Variants in CROCC observed in about 807,000 individuals in gnomAD.
CROCC encodes rootletin.
A neutral mutation model predicts 245.2 loss-of-function variants in CROCC; 180 were observed. The ratio of observed to expected loss-of-function variants is 0.73; its 90% CI spans 0.65 to 0.83. The LOEUF is 0.83. Ranked by LOEUF, CROCC falls within the 40% of genes least tolerant of loss-of-function variation. CROCC has a pLI of 0.00. For missense variants in CROCC, 2,688 were observed against 2,779.4 expected (o/e 0.97, Z 0.74); for synonymous variants, 1,205 against 1,241.6 (o/e 0.97, Z 0.62).
Position 16,970,709 on chromosome 1 carries a change from C to T in CROCC, c.5726C>T (p.Thr1909Ile), listed in dbSNP as rs145410748. ...LSAEKGRLDRTLTGAELELAE... is the reference protein window; with the variant it reads ...LSAEKGRLDRILTGAELELAE... ...GCAGAGAAGGGCCGCCTGGACCGCACCCTCACGGGGGCTGAGCTGGAGCTG... is the reference window on the plus strand; with the variant it reads ...GCAGAGAAGGGCCGCCTGGACCGCATCCTCACGGGGGCTGAGCTGGAGCTG... The change falls in exon 35 of 37, where the codon ACC becomes ATC. Residue 1909 changes from threonine to isoleucine, a missense_variant. Around this residue, in one of 9 missense-constraint regions of CROCC, gnomAD observed 1,218 missense variants for 1,286.3 expected, o/e 0.95. Transcript: ENST00000375541. The T allele has an allele frequency of 3.7e-6, 6 of 1,605,144 alleles. No individual in the cohort carries two copies. The highest frequency in any genetic ancestry group is 5.1e-6 in the Non-Finnish European group (6 of 1,176,402).
chr1:16,921,763 C>A (rs2075409969), upstream of CROCC, among the ~76,000 whole-genome samples: 1 of 152,228 alleles, frequency 6.6e-6, no homozygotes, highest in Admixed American at 6.5e-5. Flanking sequence ...TCTCTCCCTT[C>A]TCCTCCCCTC....
At chr1:16,971,750 C>T (rs1255901667) in intron 36 of CROCC, 103 bp downstream of exon 36, 5 of 1,191,998 alleles carry the variant, frequency 4.2e-6, no homozygotes, top group Non-Finnish European at 1.1e-6. Flanking sequence ...GTCGATGGCT[C>T]CCGTAACCGA....
chr1:16,922,643 C>A lies in CROCC; in HGVS notation c.61-20C>A, dbSNP rs56191217. 0.055 allele frequency: 84,652 copies of A among 1,542,850 alleles called. No individual in the cohort carries two copies. The highest frequency in any genetic ancestry group is 0.072 in the Admixed American group (3,935 of 54,412). On this transcript the variant is annotated intron_variant, in intron 1 of 36. Transcript: ENST00000375541. ...CCCCGGGTCCCATGTCCCCTGAAGA[C>A]CCTCTCGCTTTTCCCACAGACACTG...
chr1:16,958,742 C>A lies in CROCC; in HGVS notation c.4024C>A (p.Arg1342=), dbSNP rs150883754. ...LKGEASLEVM[R]QELQVAQRKL... ...GGGCGAGGCCAGCCTGGAGGTGATG[C>A]GGCAGGAGGTAACTGAGCAGGCGGG... The change falls in exon 26 of 37, where the codon CGG becomes AGG. Residue 1342 remains arginine, a synonymous_variant. Transcript: ENST00000375541. The A allele has an allele frequency of 1.9e-6, 3 of 1,558,784 alleles. No homozygotes were observed. The highest frequency in any genetic ancestry group is 2.7e-5 in the African/African-American group (2 of 73,734).
Position 16,933,723 on chromosome 1 carries a change from G to T in CROCC, c.956+2326G>T, listed in dbSNP as rs551692867. ...TGGGATTACAGGAGTGCGCCACCACGCCCAGCTAACTTTTGTATTTTTAGT... is the reference window on the plus strand; with the variant it reads ...TGGGATTACAGGAGTGCGCCACCACTCCCAGCTAACTTTTGTATTTTTAGT... On this transcript the variant is annotated intron_variant, in intron 8 of 36. Transcript: ENST00000375541. 3.9e-5 allele frequency among the ~76,000 whole-genome samples: 6 copies of T among 152,320 alleles called. No individual in the cohort carries two copies. In the South Asian group the frequency reaches 1.2e-3, roughly 32 times the overall value.
Position 16,946,254 on chromosome 1 carries a change from T to C in CROCC, c.2137-5T>C. ...TTCCTCATTTCTCGGGGCCTGACCC[T>C]GCAGGCTGAGGCTGGCCGCGTGGAG... is the stretch of plus-strand genomic sequence containing the variant. On this transcript the variant is annotated splice_region_variant and splice_polypyrimidine_tract_variant and intron_variant, in intron 15 of 36. Transcript: ENST00000375541. 2 of 1,611,878 alleles carry C rather than the reference T, an allele frequency of 1.2e-6. No homozygotes were observed. The highest frequency in any genetic ancestry group is 1.1e-5 in the South Asian group (1 of 90,868).
Position 16,953,432 on chromosome 1 carries a change from A to T in CROCC, c.3137A>T (p.Gln1046Leu). The change falls in exon 21 of 37, where the codon CAG becomes CTG. Residue 1046 changes from glutamine to leucine, a missense_variant. Around this residue, in one of 9 missense-constraint regions of CROCC, gnomAD observed 106 missense variants for 126.1 expected, o/e 0.84. Transcript: ENST00000375541. Reference protein sequence around the residue: ...EELSEEIAALQQERDEGLLLA... With the variant: ...EELSEEIAALLQERDEGLLLA... ...CTGAGTGAGGAGATTGCTGCCCTGC[A>T]GCAGGAGCGCGACGAGGGCCTCCTC... The T allele has an allele frequency of 1.2e-6, 2 of 1,610,614 alleles. No homozygotes were observed.
rs1343547027 is a variant in CROCC, at chr1:16,944,203, C to T, written c.1912C>T (p.Arg638Cys). ...GCAGGCTGCCCAGGAGGAGCTGCGG[C>T]GCCAGCGGGACCGGCTGGAGGAAGA... ...KLQAAQEELR[R>C]QRDRLEEEQE... The change falls in exon 14 of 37, where the codon CGC (arginine) becomes TGC (cysteine). Residue 638 changes from arginine (R) to cysteine (C), a missense_variant. Physicochemically the swap from Arg to Cys is radical, Grantham distance 180 (BLOSUM62 -3). Transcript: ENST00000375541. 13 of 1,555,414 alleles carry T rather than the reference C, an allele frequency of 8.4e-6. No individual in the cohort carries two copies. The Admixed American group carries it at 9.7e-5, about 12-fold the overall frequency.
intron 8 of CROCC, among the ~76,000 whole-genome samples, chr1:16,932,451 A>C (rs912630192): frequency 6.6e-6 from 1 of 152,254 alleles, no homozygotes; most frequent in Non-Finnish European, 1.5e-5. Context: ...AAAAAAGTAA[A>C]ATAAAATTCT....
chr1:16,939,523 T>A (rs1269022212), intron 12 of CROCC, among the ~76,000 whole-genome samples: 3 of 151,628 alleles, frequency 2.0e-5, no homozygotes, highest in Non-Finnish European at 4.4e-5. Flanking sequence ...GCTTGGGAAC[T>A]AGGGGCAGAG....
chr1:16,955,623 C>A, intron 24 of CROCC, 73 bp downstream of exon 24: 1 of 1,284,174 alleles, frequency 7.8e-7, no homozygotes, highest in South Asian at 1.5e-5. Flanking sequence ...TCACCCCCAA[C>A]GTTCTGGGGA....
chr1:16,923,781 A>G (rs2075465514), intron 2 of CROCC, among the ~76,000 whole-genome samples: 3 of 150,212 alleles, frequency 2.0e-5, no homozygotes, highest in Middle Eastern at 7.0e-3. Flanking sequence ...CCCCGGTTCA[A>G]GTGATTCTGC....
intron 20 of CROCC, among the ~76,000 whole-genome samples, chr1:16,952,183 A>C (rs1214730280): frequency 4.1e-5 from 6 of 145,064 alleles, no homozygotes; most frequent in East Asian, 2.3e-4. Context: ...TACGGTGAAG[A>C]TCTTAAAGAA....
intron 3 of CROCC, among the ~76,000 whole-genome samples, chr1:16,928,574 C>A (rs796661522): frequency 6.6e-6 from 1 of 152,006 alleles, no homozygotes; most frequent in East Asian, 1.9e-4. Flanking sequence ...GAGGCCGAGG[C>A]GGGTGGATTA....
In CROCC at chr1:16,922,715, TG is replaced by T; in HGVS notation, c.115del (p.Ala39ProfsTer168). The T allele has an allele frequency of 1.9e-6, 3 of 1,613,854 alleles. No homozygotes were observed. Among genetic ancestry groups the T allele is most frequent in the Non-Finnish European group, 1.7e-6 (2 of 1,179,964 alleles). On this transcript the variant is annotated frameshift_variant, in exon 2 of 37. Coordinates refer to ENST00000375541, the MANE Select transcript of CROCC (RefSeq NM_014675.5). LOFTEE classifies it high-confidence loss of function. ...CQEKGLGARD[L>X]AQDAQITSLP... ...GAGAAAGGCTTGGGCGCGCGGGACC[TG>T]GCCCAGGACGCTCAGATCACCAGCC... is the stretch of plus-strand genomic sequence containing the variant.
intron 21 of CROCC, 43 bp downstream of exon 21, chr1:16,953,524 T>C: frequency 1.3e-6 from 2 of 1,536,274 alleles, no homozygotes; most frequent in Non-Finnish European, 8.8e-7. Context: ...TCTGAGCTGC[T>C]CCAGTTCTGG....
intron 16 of CROCC, 28 bp from the exon 17 acceptor site, chr1:16,946,733 C>T (rs143466360): frequency 7.3e-5 from 113 of 1,545,872 alleles, no homozygotes; most frequent in Middle Eastern, 6.7e-4. Context: ...GCCCTGCTCA[C>T]GAGGCCCCAC....
rs1466652048 is a variant in CROCC at position 16,938,521 on chromosome 1, AG to A, written c.1374+40del. 3 of 1,508,798 alleles carry A rather than the reference AG, an allele frequency of 2.0e-6. No individual in the cohort carries two copies. In the East Asian group the frequency reaches 7.3e-5, roughly 37 times the overall value. The allele number at this position is 1,508,798 out of a possible 1,614,324, so 93.5% of individuals were successfully genotyped here. A position where few individuals can be genotyped will look rare whatever the true frequency, so the allele number is the denominator to read the frequency against. On this transcript the variant is annotated intron_variant, in intron 11 of 36. Transcript: ENST00000375541. ...AGAGGCGGGAAGACAGCGCCCTGCC[AG>A]GCAGTCCCAGGCTCCCCCGCCACGT...
chr1:16,914,660 G>A (rs1241682890), intron 1 of CROCC, among the ~76,000 whole-genome samples: 4 of 152,298 alleles, frequency 2.6e-5, no homozygotes, highest in African/African-American at 4.8e-5. Context: ...GATGCTGTGC[G>A]GGGATGGGGC....
Sources: allele counts gnomAD v4.1 joint callset (sites outside exome capture counted in the v4.1 genomes callset), GRCh38; gene constraint gnomAD v4.1.1; regional missense constraint gnomAD v4.1.1; transcripts MANE v1.5; gene names NCBI Gene and HGNC (gene_info 2026-07-23, HGNC 2026-07-21).